Variants in TBC1D22A observed in about 807,000 individuals in gnomAD.
TBC1D22A encodes the protein TBC1 domain family member 22A.
TBC1D22A carries 38 observed loss-of-function variants against 60.2 expected under a neutral mutation model. That is an observed-to-expected ratio of 0.63 (90% CI 0.49 to 0.83). The LOEUF (loss-of-function observed/expected upper bound fraction) is 0.83. Ranked by LOEUF, TBC1D22A falls within the 40% of genes least tolerant of loss-of-function variation. The pLI, the probability that TBC1D22A is intolerant of heterozygous loss-of-function variation, is 0.00. For synonymous variants in TBC1D22A, 302 were observed against 281.7 expected, an observed-to-expected ratio of 1.07 and a Z score of -0.72; for missense variants, 628 against 701.0, an observed-to-expected ratio of 0.90 and a Z score of 1.18.
intron 4 of TBC1D22A, among the ~76,000 whole-genome samples, chr22:46,830,736 C>T (rs2086272552): frequency 6.6e-6 from 1 of 152,218 alleles, no homozygotes; most frequent in Non-Finnish European, 1.5e-5. Context: ...GGATTTGAAT[C>T]TGGGAAGTAA....
intron 11 of TBC1D22A, among the ~76,000 whole-genome samples, chr22:47,068,753 T>C (rs1283945375): frequency 2.0e-5 from 3 of 152,200 alleles, no homozygotes; most frequent in African/African-American, 7.2e-5. Context: ...TGCTATTGTT[T>C]AGAATAAAAG....
chr22:46,878,647 C>A lies in TBC1D22A; in HGVS notation c.638-6C>A. ...TGTTTTTCCTTGTCTCTTTTTTCAT[C>A]AACAGAGGAATTACGGAGGTTGAGC... On this transcript the variant is annotated splice_polypyrimidine_tract_variant and splice_region_variant and intron_variant, in intron 4 of 12. Transcript: ENST00000337137. 6.2e-7 allele frequency: 1 copy of A among 1,612,952 alleles called. No individual in the cohort carries two copies. The highest frequency in any genetic ancestry group is 8.5e-7 in the Non-Finnish European group (1 of 1,179,664).
At chr22:47,072,882 T>C (rs573246943) in intron 11 of TBC1D22A, among the ~76,000 whole-genome samples, 1 of 152,342 alleles carries the variant, frequency 6.6e-6, no homozygotes, top group African/African-American at 2.4e-5. Flanking sequence ...AGGGCCCGCA[T>C]GGAGCCTCTT....
chr22:47,153,929 C>T (rs1440624189), intron 12 of TBC1D22A, among the ~76,000 whole-genome samples: 1 of 151,976 alleles, frequency 6.6e-6, no homozygotes. Context: ...TCCGGGGACA[C>T]TGGACTGGCC....
rs767181094 is a variant in TBC1D22A, at chr22:47,107,283, G to T, written c.1330-4225G>T. Among the ~76,000 whole-genome samples, 52 of 152,168 alleles carry T rather than the reference G, an allele frequency of 3.4e-4. 1 individual carries two copies. The highest frequency in any genetic ancestry group is 1.3e-4 in the Non-Finnish European group (9 of 68,036). On this transcript the variant is annotated intron_variant, in intron 11 of 12. Coordinates refer to ENST00000337137, the MANE Select transcript of TBC1D22A (RefSeq NM_014346.5). ...AAAAAGTAGAACAGTTGGAAACCTC[G>T]AAATGAGAGCATGTGAATTAACCTG...
At chr22:47,066,533 G>A (rs2074732152) in intron 11 of TBC1D22A, among the ~76,000 whole-genome samples, 2 of 152,220 alleles carry the variant, frequency 1.3e-5, no homozygotes, top group South Asian at 4.1e-4. Flanking sequence ...CTTGGTGAGG[G>A]ACCAAGCGTG....
rs1484471954 is a variant in TBC1D22A, at chr22:47,175,544, G to C, written c.*1918G>C. 1 of 152,192 alleles carries C rather than the reference G, an allele frequency of 6.6e-6. No individual in the cohort carries two copies. Among genetic ancestry groups the C allele is most frequent in the Non-Finnish European group, 1.5e-5 (1 of 68,074 alleles). The allele number at this position is 152,192 out of a possible 1,614,324, so 9.4% of individuals were successfully genotyped here. A position where few individuals can be genotyped will look rare whatever the true frequency, so the allele number is the denominator to read the frequency against. ...AGGAAGCTCCACGGAGTTCAGCCCTGTGTGCATTTCCTCATGTATGTAAAC... is the reference window on the plus strand; with the variant it reads ...AGGAAGCTCCACGGAGTTCAGCCCTCTGTGCATTTCCTCATGTATGTAAAC... On this transcript the variant is annotated 3_prime_UTR_variant, in exon 13 of 13. Coordinates refer to ENST00000337137, the MANE Select transcript of TBC1D22A (RefSeq NM_014346.5).
At chr22:47,018,030 G>A (rs910222175) in intron 10 of TBC1D22A, among the ~76,000 whole-genome samples, 3 of 152,254 alleles carry the variant, frequency 2.0e-5, no homozygotes, top group Non-Finnish European at 4.4e-5. Flanking sequence ...TTTGTAATGG[G>A]CAGTCACATT....
chr22:46,885,843 C>T (rs184541328), intron 5 of TBC1D22A, among the ~76,000 whole-genome samples: 84 of 152,168 alleles, frequency 5.5e-4, no homozygotes, highest in Admixed American at 1.4e-3. Context: ...CGGAAGGCAC[C>T]GCAGAACCAC....
chr22:46,919,268 C>T (rs1363606311), intron 8 of TBC1D22A, among the ~76,000 whole-genome samples: 1 of 152,132 alleles, frequency 6.6e-6, no homozygotes, highest in African/African-American at 2.4e-5. Context: ...GTGCGTGGCC[C>T]TTTGTGTCTG....
At chr22:46,969,921 C>T (rs1263328151) in intron 8 of TBC1D22A, among the ~76,000 whole-genome samples, 6 of 152,002 alleles carry the variant, frequency 3.9e-5, no homozygotes, top group African/African-American at 9.7e-5. Context: ...CAGATGGAAA[C>T]GCGCTGGTTT....
chr22:46,945,231 A>G (rs1041649164), intron 8 of TBC1D22A, among the ~76,000 whole-genome samples: 4 of 152,192 alleles, frequency 2.6e-5, no homozygotes, highest in African/African-American at 9.7e-5. Context: ...GCTCTTAGGC[A>G]GTTTAAATTT....
At chr22:47,004,834 T>TA (rs945795511) in intron 10 of TBC1D22A, among the ~76,000 whole-genome samples, 1 of 150,670 alleles carries the variant, frequency 6.6e-6, no homozygotes, top group Non-Finnish European at 1.5e-5. Flanking sequence ...CATGTATAGA[T>TA]ACACCCACAC....
intron 7 of TBC1D22A, among the ~76,000 whole-genome samples, chr22:46,903,089 T>C (rs4425): frequency 0.88 from 133,375 of 152,146 alleles, 58,843 homozygotes; most frequent in African/African-American, 0.97. Context: ...GGTTGGGCCG[T>C]GGATCTCTCC....
Position 46,997,048 on chromosome 22 carries a change from C to T in TBC1D22A, c.1126-586C>T, listed in dbSNP as rs2075143964. On this transcript the variant is annotated intron_variant, in intron 9 of 12. Coordinates refer to ENST00000337137, the MANE Select transcript of TBC1D22A (RefSeq NM_014346.5). The stretch of plus-strand genomic sequence containing the variant: ...TGTTTGACTTGAAACTGCCCAGGCC[C>T]CCTTCCCTTTGATGCTATGCAGACC... Among the ~76,000 whole-genome samples the T allele has an allele frequency of 3.3e-5, 5 of 152,338 alleles. No individual in the cohort carries two copies. The South Asian group carries it at 8.3e-4, about 25-fold the overall frequency.
intron 7 of TBC1D22A, among the ~76,000 whole-genome samples, chr22:46,897,640 G>GTTTTTTTTTTTTTTT (rs1210846664): frequency 9.2e-6 from 1 of 108,376 alleles, no homozygotes; most frequent in African/African-American, 4.2e-5. Flanking sequence ...GTTTCGTTTT[G>GTTTTTTTTTTTTTTT]TTTTTTTTTG....
At chr22:47,031,750 C>T (rs1456889085) in intron 10 of TBC1D22A, among the ~76,000 whole-genome samples, 3 of 152,122 alleles carry the variant, frequency 2.0e-5, no homozygotes, top group African/African-American at 7.2e-5. Context: ...GGCCGGGGTC[C>T]CCAGGGTGTG....
intron 11 of TBC1D22A, among the ~76,000 whole-genome samples, chr22:47,104,760 A>G (rs1442463013): frequency 6.6e-6 from 1 of 152,000 alleles, no homozygotes; most frequent in South Asian, 2.1e-4. Context: ...AGCAGCCACT[A>G]TAAGACTTCA....
chr22:47,045,962 A>G lies in TBC1D22A; in HGVS notation c.1329+8764A>G, dbSNP rs1028831613. Among the ~76,000 whole-genome samples, 3 of 152,180 alleles carry G rather than the reference A, an allele frequency of 2.0e-5. No individual in the cohort carries two copies. The East Asian group carries it at 5.8e-4, about 29-fold the overall frequency. On this transcript the variant is annotated intron_variant, in intron 11 of 12. Coordinates refer to ENST00000337137, the MANE Select transcript of TBC1D22A (RefSeq NM_014346.5). ...CCGATTTTTGGAGGCTAGTGAAGAA[A>G]GCAGCAGGTCTTAGTGGGGATGGCC...
Sources: gnomAD v4.1 joint callset for allele counts (sites outside exome capture counted in the v4.1 genomes callset) on GRCh38, gnomAD v4.1.1 for gene constraint, MANE v1.5 for transcripts, NCBI Gene and HGNC (gene_info 2026-07-23, HGNC 2026-07-21) for gene names.